FAM13C: variants seen among roughly 807,000 people sequenced by gnomAD.
The protein encoded by FAM13C is protein FAM13C.
In FAM13C, 37 loss-of-function variants were observed where a neutral mutation model predicts 73.2. The observed-to-expected ratio is 0.51, with a 90% CI of 0.39 to 0.67. FAM13C has a LOEUF of 0.67. Among genes scored for constraint, FAM13C ranks in the 30% least tolerant of loss-of-function variants. FAM13C has a pLI of 0.00. For synonymous variants in FAM13C, 246 were observed against 260.9 expected (o/e 0.94, Z 0.55); for missense variants, 589 against 715.6 (o/e 0.82, Z 2.02).
chr10:59,248,457 G>A (rs890804148), intron 13 of FAM13C, among the ~76,000 whole-genome samples: 1 of 152,194 alleles, frequency 6.6e-6, no homozygotes, highest in Non-Finnish European at 1.5e-5. Context: ...AATATCAGGA[G>A]TTAAAACCAT....
intron 9 of FAM13C, 25 bp from the exon 10 acceptor site, chr10:59,262,670 A>G (rs746668566): frequency 3.8e-6 from 6 of 1,594,062 alleles, no homozygotes; most frequent in African/African-American, 2.7e-5. Flanking sequence ...ATGAGTTATC[A>G]TAAGCAAAGA....
chr10:59,317,029 C>A (rs1438248910), intron 4 of FAM13C, among the ~76,000 whole-genome samples: 3 of 151,620 alleles, frequency 2.0e-5, no homozygotes, highest in Admixed American at 6.6e-5. Context: ...TCTATCTAAT[C>A]CCAAAAATGT....
intron 4 of FAM13C, among the ~76,000 whole-genome samples, chr10:59,307,104 T>A (rs980625202): frequency 6.6e-5 from 10 of 152,004 alleles, no homozygotes; most frequent in African/African-American, 1.9e-4. Flanking sequence ...ATGTCTTTCA[T>A]GAAGAGAGGC....
At chr10:59,248,491 G>T (rs1840957290) in intron 13 of FAM13C, among the ~76,000 whole-genome samples, 1 of 152,038 alleles carries the variant, frequency 6.6e-6, no homozygotes, top group Admixed American at 6.6e-5. Context: ...AAAATATGTT[G>T]TCAGGAAACG....
chr10:59,310,348 C>T (rs1848773316), intron 4 of FAM13C, among the ~76,000 whole-genome samples: 1 of 152,128 alleles, frequency 6.6e-6, no homozygotes, highest in African/African-American at 2.4e-5. Flanking sequence ...CTGAGCAAAA[C>T]ATGTTTTATA....
At chr10:59,344,942 TTCTC>T (rs897435734) in intron 3 of FAM13C, among the ~76,000 whole-genome samples, 1 of 152,180 alleles carries the variant, frequency 6.6e-6, no homozygotes. Context: ...GACGCTCTTC[TTCTC>T]TCTATGTGTC....
chr10:59,266,223 T>TA (rs1843046116), intron 8 of FAM13C, among the ~76,000 whole-genome samples: 1 of 152,170 alleles, frequency 6.6e-6, no homozygotes, highest in Admixed American at 6.5e-5. Flanking sequence ...CCACTGAAGG[T>TA]AGACGTGTGG....
intron 6 of FAM13C, among the ~76,000 whole-genome samples, chr10:59,276,801 C>T (rs755438302): frequency 1.4e-4 from 22 of 152,106 alleles, no homozygotes; most frequent in Non-Finnish European, 1.9e-4. Context: ...AAGATTTTCA[C>T]GCCAAAGATT....
Position 59,252,998 on chromosome 10 carries a change from G to C in FAM13C, c.1333C>G (p.Gln445Glu). 1 of 1,613,148 alleles carries C rather than the reference G, an allele frequency of 6.2e-7. No homozygotes were observed. Among genetic ancestry groups the C allele is most frequent in the Non-Finnish European group, 8.5e-7 (1 of 1,179,820 alleles). The part of the protein sequence containing the change: ...LSTPSLIPTI[Q>E]EEEDSDEDRP... ...TCTTCATCAGAGTCCTCTTCCTCCT[G>C]CTTATCACAGGCAGAGTTAAAGAAA... Residue 445 changes from glutamine (Q) to glutamate (E), a missense_variant and splice_region_variant, in exon 12 of 14, where the codon CAG (glutamine) becomes GAG (glutamate). Coordinates refer to ENST00000618804, the MANE Select transcript of FAM13C (RefSeq NM_198215.4).
intron 9 of FAM13C, chr10:59,263,860 T>C (rs1480782226): frequency 1.9e-6 from 1 of 530,338 alleles, no homozygotes; most frequent in Non-Finnish European, 3.4e-6. Context: ...ATCATTCCAC[T>C]TGGGAGTCTG....
intron 6 of FAM13C, among the ~76,000 whole-genome samples, chr10:59,279,481 T>C (rs112319736): frequency 1.4e-4 from 21 of 152,228 alleles, no homozygotes; most frequent in African/African-American, 5.1e-4. Flanking sequence ...AAAAATATAA[T>C]AAAGTACTGC....
intron 4 of FAM13C, among the ~76,000 whole-genome samples, chr10:59,308,740 C>A (rs753923824): frequency 5.3e-5 from 8 of 152,348 alleles, no homozygotes; most frequent in Non-Finnish European, 1.0e-4. Flanking sequence ...ATTCAAACTG[C>A]AAACTTGTGG....
In FAM13C at chr10:59,264,056, A is replaced by G. The variant is rs375960646; in HGVS notation, c.1024+29T>C. 4 of 1,600,742 alleles carry G rather than the reference A, an allele frequency of 2.5e-6. No homozygotes were observed. In the African/African-American group the frequency reaches 4.0e-5, roughly 16 times the overall value. On this transcript the variant is annotated intron_variant, in intron 9 of 13. Coordinates refer to ENST00000618804, the MANE Select transcript of FAM13C (RefSeq NM_198215.4). The stretch of plus-strand genomic sequence containing the variant: ...CACTAGTTTAACTGCTTCCTTTGTG[A>G]GGAAAAAAGATCTTTGGCTGGGATT...
At chr10:59,308,527 C>T (rs1848520721) in intron 4 of FAM13C, among the ~76,000 whole-genome samples, 1 of 74,744 alleles carries the variant, frequency 1.3e-5, no homozygotes. Context: ...CCAGCATCAC[C>T]CCCATCATCA....
intron 4 of FAM13C, among the ~76,000 whole-genome samples, chr10:59,314,415 G>T (rs1390407106): frequency 6.6e-6 from 1 of 152,186 alleles, no homozygotes; most frequent in African/African-American, 2.4e-5. Flanking sequence ...TCAAAGCCCA[G>T]AGAGGTTAGG....
At chr10:59,298,256 G>A (rs1440565182) in intron 5 of FAM13C, among the ~76,000 whole-genome samples, 2 of 152,158 alleles carry the variant, frequency 1.3e-5, no homozygotes. Flanking sequence ...TCCATGTAAG[G>A]CCACCAAAGC....
At chr10:59,285,263 C>T (rs1845424260) in intron 5 of FAM13C, among the ~76,000 whole-genome samples, 1 of 152,126 alleles carries the variant, frequency 6.6e-6, no homozygotes, top group Admixed American at 6.6e-5. Context: ...GCTTCCTCCT[C>T]CATTCTGGGA....
intron 5 of FAM13C, among the ~76,000 whole-genome samples, chr10:59,292,329 G>A (rs1184262984): frequency 6.6e-6 from 1 of 152,228 alleles, no homozygotes; most frequent in Admixed American, 6.5e-5. Flanking sequence ...AGTCTGGGTT[G>A]TAGCCCATAT....
intron 6 of FAM13C, among the ~76,000 whole-genome samples, chr10:59,276,145 G>A (rs1367017276): frequency 2.0e-5 from 3 of 152,140 alleles, no homozygotes; most frequent in African/African-American, 7.2e-5. Flanking sequence ...TATTTATTCA[G>A]CCATCAGCTC....
Sources: allele counts gnomAD v4.1 joint callset (sites outside exome capture counted in the v4.1 genomes callset), GRCh38; gene constraint gnomAD v4.1.1; transcripts MANE v1.5; gene names NCBI Gene and HGNC (gene_info 2026-07-23, HGNC 2026-07-21).